CORO2B: variants seen among roughly 807,000 people sequenced by gnomAD.
CORO2B encodes coronin-2B.
CORO2B carries 26 observed loss-of-function variants against 58.8 expected under a neutral mutation model. The ratio of observed to expected loss-of-function variants is 0.44; its 90% CI spans 0.32 to 0.61. The LOEUF (loss-of-function observed/expected upper bound fraction) is 0.61, where lower values mean the gene tolerates loss of function less well. Ranked by LOEUF, CORO2B falls within the 20% of genes least tolerant of loss-of-function variation. CORO2B has a pLI of 0.04. For synonymous variants in CORO2B, 242 were observed against 253.8 expected (o/e 0.95, Z 0.44); for missense variants, 460 against 645.1 (o/e 0.71, Z 3.11).
intron 3 of CORO2B, among the ~76,000 whole-genome samples, chr15:68,705,524 G>A (rs1892764043): frequency 1.3e-5 from 2 of 151,546 alleles, no homozygotes; most frequent in Non-Finnish European, 2.9e-5. Flanking sequence ...TGGGGATAAA[G>A]CAAGGCACCT....
intron 2 of CORO2B, among the ~76,000 whole-genome samples, chr15:68,661,080 C>T (rs1012997459): frequency 1.3e-5 from 2 of 151,490 alleles, no homozygotes; most frequent in Middle Eastern, 3.4e-3. Flanking sequence ...TGGGTTCAAG[C>T]GATTCTCCTG....
At chr15:68,653,210 C>T (rs1260175741) in intron 2 of CORO2B, among the ~76,000 whole-genome samples, 1 of 152,188 alleles carries the variant, frequency 6.6e-6, no homozygotes, top group Admixed American at 6.5e-5. Context: ...CCCACCGACC[C>T]ACCCATTCAT....
chr15:68,604,915 A>T (rs971610938), intron 1 of CORO2B, among the ~76,000 whole-genome samples: 1 of 152,126 alleles, frequency 6.6e-6, no homozygotes, highest in Non-Finnish European at 1.5e-5. Flanking sequence ...GGAGTTCAAG[A>T]CCAATCTGGC....
At chr15:68,655,693 T>C (rs1490880266) in intron 2 of CORO2B, among the ~76,000 whole-genome samples, 1 of 152,166 alleles carries the variant, frequency 6.6e-6, no homozygotes, top group African/African-American at 2.4e-5. Flanking sequence ...GGGTGAGATT[T>C]AAGGAGACCA....
At chr15:68,609,294 T>C (rs908083336) in intron 1 of CORO2B, among the ~76,000 whole-genome samples, 3 of 152,226 alleles carry the variant, frequency 2.0e-5, no homozygotes, top group African/African-American at 7.2e-5. Flanking sequence ...CCCCATTCAT[T>C]GTTCCCTGTC....
the CORO2B span, among the ~76,000 whole-genome samples, chr15:68,566,731 G>T: frequency 6.6e-6 from 1 of 152,162 alleles, no homozygotes; most frequent in Admixed American, 6.5e-5. Context: ...AAGTCATCCT[G>T]GATGGGGAGG....
intron 1 of CORO2B, among the ~76,000 whole-genome samples, chr15:68,611,284 T>C (rs2140245575): frequency 1.3e-5 from 2 of 152,368 alleles, no homozygotes; most frequent in East Asian, 3.9e-4. Context: ...ATGTTCATTC[T>C]GGAAAATTTG....
At chr15:68,692,510 G>A (rs985218935) in intron 2 of CORO2B, among the ~76,000 whole-genome samples, 6 of 151,744 alleles carry the variant, frequency 4.0e-5, no homozygotes, top group African/African-American at 7.3e-5. Flanking sequence ...GCTTGAACCC[G>A]GGAGGCGGAG....
chr15:68,718,030 C>T (rs776714401), intron 8 of CORO2B, among the ~76,000 whole-genome samples: 1 of 152,186 alleles, frequency 6.6e-6, no homozygotes, highest in Non-Finnish European at 1.5e-5. Flanking sequence ...AGAGTGAGGA[C>T]TCAAACCCCG....
At chr15:68,598,807 T>C (rs892062697) in intron 1 of CORO2B, among the ~76,000 whole-genome samples, 1 of 152,144 alleles carries the variant, frequency 6.6e-6, no homozygotes, top group African/African-American at 2.4e-5. Flanking sequence ...CAAAAGAAAG[T>C]TTCTGTTCTG....
At chr15:68,640,193 C>G (rs991452020) in intron 1 of CORO2B, among the ~76,000 whole-genome samples, 3 of 152,228 alleles carry the variant, frequency 2.0e-5, no homozygotes, top group African/African-American at 7.2e-5. Context: ...GGCCTTCCAG[C>G]CTCTGTCCAT....
rs765181811 is a variant in CORO2B, at chr15:68,719,521, TA to T, written c.1281del (p.Glu428LysfsTer25). On this transcript the variant is annotated frameshift_variant, in exon 11 of 12. Coordinates refer to ENST00000261861, the MANE Select transcript of CORO2B (RefSeq NM_006091.5). LOFTEE classifies it high-confidence loss of function. The stretch of plus-strand genomic sequence containing the variant: ...GTTGTGGTCAACGGAATAGATTTAT[TA>T]GAAAATGTCCCACCCAGGACAGAGA... ...KSVVVNGIDLLENVPPRTENE... is the reference protein window; with the variant it reads ...KSVVVNGIDLXENVPPRTENE... 1 of 1,614,028 alleles carries T rather than the reference TA, an allele frequency of 6.2e-7. No homozygotes were observed.
the CORO2B span, among the ~76,000 whole-genome samples, chr15:68,554,310 C>A: frequency 1.3e-5 from 2 of 152,076 alleles, no homozygotes; most frequent in African/African-American, 4.8e-5. Flanking sequence ...GGACGTGGAG[C>A]AGGTGGACGT....
chr15:68,557,051 A>G, the CORO2B span, among the ~76,000 whole-genome samples: 2 of 152,198 alleles, frequency 1.3e-5, no homozygotes, highest in South Asian at 2.1e-4. Flanking sequence ...AGAGATGGCT[A>G]TTGCTGGCAA....
intron 3 of CORO2B, among the ~76,000 whole-genome samples, chr15:68,708,530 T>A (rs1372430240): frequency 6.6e-6 from 1 of 151,468 alleles, no homozygotes; most frequent in Non-Finnish European, 1.5e-5. Flanking sequence ...CTGGCTAATT[T>A]TTTTGTATTT....
chr15:68,526,383 G>A, the CORO2B span, among the ~76,000 whole-genome samples: 3 of 152,158 alleles, frequency 2.0e-5, no homozygotes, highest in African/African-American at 7.2e-5. Context: ...ACTGTCACCA[G>A]CAATGCTCCA....
Position 68,710,618 on chromosome 15 carries a change from A to G in CORO2B, c.334-114A>G. The G allele has an allele frequency of 8.0e-7, 1 of 1,253,348 alleles. No individual in the cohort carries two copies. The highest frequency in any genetic ancestry group is 2.7e-5 in the East Asian group (1 of 36,958). 77.6% of individuals were successfully genotyped at this position (1,253,348 alleles called of 1,614,324 possible). A position where few individuals can be genotyped will look rare whatever the true frequency, so the allele number is the denominator to read the frequency against. ...GCTTTGCCCATCGCCTCAAGCCAGG[A>G]GGTGGCTCATCAGGCAGATCTCAGA... On this transcript the variant is annotated intron_variant, in intron 3 of 11. Coordinates refer to ENST00000261861, the MANE Select transcript of CORO2B (RefSeq NM_006091.5). The surrounding 1 kb of genome is among the most constrained non-coding windows in gnomAD (Gnocchi z 4.1).
the CORO2B span, among the ~76,000 whole-genome samples, chr15:68,519,529 C>T: frequency 1.3e-5 from 2 of 152,128 alleles, no homozygotes; most frequent in African/African-American, 2.4e-5. Flanking sequence ...TTTCATTACT[C>T]ATATTGATGA....
chr15:68,708,385 GA>G (rs1892833678), intron 3 of CORO2B, among the ~76,000 whole-genome samples: 1 of 135,120 alleles, frequency 7.4e-6, no homozygotes, highest in African/African-American at 2.8e-5. Context: ...TTTTGAGATG[GA>G]GTCTTGCTCT....
Sources: gnomAD v4.1 joint callset for allele counts (sites outside exome capture counted in the v4.1 genomes callset) on GRCh38, gnomAD v4.1.1 for gene constraint, Gnocchi (gnomAD v3.1) non-coding constraint, MANE v1.5 for transcripts, NCBI Gene and HGNC (gene_info 2026-07-23, HGNC 2026-07-21) for gene names.